The following CSMD3 variants were observed in gnomAD, a reference collection of about 807,000 sequenced individuals.
CSMD3 encodes CUB and Sushi multiple domains 3, also known as CUB and sushi domain-containing protein 3.
A neutral mutation model predicts 435.2 loss-of-function variants in CSMD3; 177 were observed. The ratio of observed to expected loss-of-function variants is 0.41; its 90% CI spans 0.36 to 0.46. CSMD3 has a LOEUF of 0.46. CSMD3 is among the 20% of genes least tolerant of loss of function. CSMD3 has a pLI of 0.34. For synonymous variants in CSMD3, 1,656 were observed against 1,520.5 expected (o/e 1.09, Z -2.07); for missense variants, 4,265 against 4,504.6 (o/e 0.95, Z 1.52).
At chr8:112,618,566 ATTTGAGCT>A (rs1446872624) in intron 22 of CSMD3, among the ~76,000 whole-genome samples, 1 of 152,052 alleles carries the variant, frequency 6.6e-6, no homozygotes, top group Non-Finnish European at 1.5e-5. Flanking sequence ...CCCCCAAATC[ATTTGAGCT>A]TTAAGTACCA....
Position 113,114,494 on chromosome 8 carries a change from T to C in CSMD3, c.710-15531A>G, listed in dbSNP as rs7017686. On this transcript the variant is annotated intron_variant, in intron 4 of 70. Transcript: ENST00000297405. ...TTTGTGTTTGGACCTTGGAAAGATA[T>C]TGGAGAGATATCTATCAGCTGAAGG... Among the ~76,000 whole-genome samples the C allele has an allele frequency of 3.3e-3, 502 of 152,226 alleles. 3 individuals are homozygous for C. Among genetic ancestry groups the C allele is most frequent in the African/African-American group, 0.01 (432 of 41,552 alleles).
chr8:112,637,186 G>C (rs1371391037), intron 21 of CSMD3, among the ~76,000 whole-genome samples, 181 bp from the exon 22 acceptor site: 1 of 152,034 alleles, frequency 6.6e-6, no homozygotes, highest in Non-Finnish European at 1.5e-5. Context: ...CTGTGAAATA[G>C]CTAATAACTT....
intron 20 of CSMD3, among the ~76,000 whole-genome samples, chr8:112,644,121 G>T (rs1211621703): frequency 6.6e-6 from 1 of 151,406 alleles, no homozygotes; most frequent in Non-Finnish European, 1.5e-5. Flanking sequence ...GAATAAACTA[G>T]CTCTTTTAGA....
intron 5 of CSMD3, among the ~76,000 whole-genome samples, chr8:113,081,175 T>G (rs1180445336): frequency 1.3e-5 from 2 of 152,212 alleles, no homozygotes; most frequent in Non-Finnish European, 2.9e-5. Flanking sequence ...TAACAAAATA[T>G]CACAAATTGG....
intron 22 of CSMD3, among the ~76,000 whole-genome samples, chr8:112,608,003 A>G (rs943416845): frequency 2.1e-4 from 32 of 152,182 alleles, no homozygotes; most frequent in Admixed American, 6.5e-5. Flanking sequence ...ACATAAAAGA[A>G]GAAGGCAATT....
intron 7 of CSMD3, among the ~76,000 whole-genome samples, chr8:112,959,867 AAC>A: frequency 6.6e-6 from 1 of 152,064 alleles, no homozygotes; most frequent in East Asian, 1.9e-4. Context: ...GTAATATTAA[AAC>A]AGAGTGTGTT....
At chr8:112,504,097 C>A in intron 29 of CSMD3, 120 bp from the exon 30 acceptor site, 2 of 604,210 alleles carry the variant, frequency 3.3e-6, no homozygotes, top group Non-Finnish European at 5.6e-6. Flanking sequence ...TAATAAAAGA[C>A]GCTGTCAAAA....
At chr8:112,303,059 C>T (rs1821090567) in intron 52 of CSMD3, among the ~76,000 whole-genome samples, 1 of 152,018 alleles carries the variant, frequency 6.6e-6, no homozygotes, top group Non-Finnish European at 1.5e-5. Context: ...AAGAATCTAA[C>T]ACAATGGAAT....
rs567058333 is a variant in CSMD3, at chr8:112,794,851, T to C, written c.1972+5311A>G. On this transcript the variant is annotated intron_variant, in intron 13 of 70. Coordinates refer to ENST00000297405, the MANE Select transcript of CSMD3 (RefSeq NM_198123.2). ...TTTATTATTTTTTTCAAAGAAACTT[T>C]TGTTAAAAAAGAAAATGTACATGAA... Among the ~76,000 whole-genome samples the C allele has an allele frequency of 9.2e-5, 14 of 152,156 alleles. 1 individual carries two copies. In the East Asian group the frequency reaches 2.5e-3, roughly 27 times the overall value.
chr8:112,900,455 T>C lies in CSMD3; in HGVS notation c.1633+21172A>G, dbSNP rs529080969. Among the ~76,000 whole-genome samples the C allele has an allele frequency of 7.3e-5, 11 of 151,344 alleles. No individual in the cohort carries two copies. The South Asian group carries it at 1.7e-3, about 23-fold the overall frequency. ...TGAGTCCTCTAAGCTCAGTCCTCTC[T>C]TGTAATTCATAGTATGTGCAACTGA... On this transcript the variant is annotated intron_variant, in intron 10 of 70. Transcript: ENST00000297405.
chr8:113,138,810 A>AGTGT (rs34755068), intron 4 of CSMD3, among the ~76,000 whole-genome samples: 4,337 of 145,672 alleles, frequency 0.03, 110 homozygotes, highest in African/African-American at 0.067. Flanking sequence ...TAAACGTGTT[A>AGTGT]GTGTGTGTGT....
intron 6 of CSMD3, among the ~76,000 whole-genome samples, chr8:112,988,156 T>C (rs148071838): frequency 1.6e-4 from 24 of 152,124 alleles, no homozygotes; most frequent in Admixed American, 3.9e-4. Context: ...CAAAGGCCTA[T>C]TGGATTCTTG....
intron 6 of CSMD3, among the ~76,000 whole-genome samples, chr8:113,009,202 C>T (rs890189198): frequency 1.3e-5 from 2 of 151,600 alleles, no homozygotes; most frequent in Admixed American, 6.6e-5. Flanking sequence ...AAGCTCTCCA[C>T]GGGAATGATA....
At chr8:112,761,038 T>A (rs1330258718) in intron 13 of CSMD3, among the ~76,000 whole-genome samples, 1 of 152,182 alleles carries the variant, frequency 6.6e-6, no homozygotes, top group East Asian at 1.9e-4. Context: ...TGAAGACTGA[T>A]TAAGAGTTCA....
chr8:113,108,935 T>C (rs763553288), intron 4 of CSMD3, among the ~76,000 whole-genome samples: 2 of 152,194 alleles, frequency 1.3e-5, no homozygotes, highest in Non-Finnish European at 2.9e-5. Flanking sequence ...ATTGACAAGC[T>C]GATTTTTTAA....
intron 14 of CSMD3, among the ~76,000 whole-genome samples, chr8:112,687,261 T>A (rs867924864): frequency 9.9e-5 from 15 of 152,116 alleles, no homozygotes; most frequent in Middle Eastern, 4.2e-3. Context: ...TGATAACTCA[T>A]TGTCTTAACT....
rs560217873 is a variant in CSMD3 at position 112,618,797 on chromosome 8, A to T, written c.3715+18020T>A. 2.0e-5 allele frequency among the ~76,000 whole-genome samples: 3 copies of T among 152,216 alleles called. No homozygotes were observed. In the East Asian group the frequency reaches 5.8e-4, roughly 29 times the overall value. On this transcript the variant is annotated intron_variant, in intron 22 of 70. Transcript: ENST00000297405. Reference sequence around the variant, plus strand: ...GGCTAATACTGAAACCACTCTATTTATGCCTGAATATATTATAAAATATAT... The same window carrying T: ...GGCTAATACTGAAACCACTCTATTTTTGCCTGAATATATTATAAAATATAT...
chr8:112,851,234 T>G (rs920365275), intron 11 of CSMD3, among the ~76,000 whole-genome samples: 1 of 152,114 alleles, frequency 6.6e-6, no homozygotes, highest in Non-Finnish European at 1.5e-5. Flanking sequence ...ACAGCGTAAC[T>G]TTGATTGAAG....
At chr8:112,415,134 G>A (rs1270932653) in intron 32 of CSMD3, among the ~76,000 whole-genome samples, 1 of 152,212 alleles carries the variant, frequency 6.6e-6, no homozygotes, top group Non-Finnish European at 1.5e-5. Context: ...GCATGTCAGA[G>A]ACCTTCATGG....
Sources: allele counts gnomAD v4.1 joint callset (sites outside exome capture counted in the v4.1 genomes callset), GRCh38; gene constraint gnomAD v4.1.1; transcripts MANE v1.5; gene names NCBI Gene and HGNC (gene_info 2026-07-23, HGNC 2026-07-21).